AKAP19: variants seen among roughly 807,000 people sequenced by gnomAD.
AKAP19 encodes the protein small A-kinase anchoring protein.
At chr2:190,032,138 AGTT>A in the AKAP19 span, among the ~76,000 whole-genome samples, 1 of 152,028 alleles carries the variant, frequency 6.6e-6, no homozygotes, top group Non-Finnish European at 1.5e-5. Context: ...CACTGTCTAT[AGTT>A]TTCTGTTAAG....
At chr2:190,157,950 G>C in the AKAP19 span, among the ~76,000 whole-genome samples, 1 of 152,214 alleles carries the variant, frequency 6.6e-6, no homozygotes, top group African/African-American at 2.4e-5. Flanking sequence ...CCCGGCGCCA[G>C]GCCCAAAATC....
chr2:190,072,259 G>A, the AKAP19 span, among the ~76,000 whole-genome samples: 1 of 152,106 alleles, frequency 6.6e-6, no homozygotes, highest in Non-Finnish European at 1.5e-5. Context: ...GAGCACTGGA[G>A]GGAGGAAGCT....
the AKAP19 span, among the ~76,000 whole-genome samples, chr2:189,948,826 T>C: frequency 6.6e-6 from 1 of 152,284 alleles, no homozygotes; most frequent in South Asian, 2.1e-4. Flanking sequence ...AAATCATTTT[T>C]TTTTCTTATT....
chr2:189,930,984 G>T, the AKAP19 span: 2 of 831,846 alleles, frequency 2.4e-6, no homozygotes, highest in Non-Finnish European at 4.0e-6. Context: ...TGTCATCCGA[G>T]GTGGGGGATT....
the AKAP19 span, among the ~76,000 whole-genome samples, chr2:189,968,504 CA>C: frequency 6.6e-6 from 1 of 152,170 alleles, no homozygotes; most frequent in Admixed American, 6.5e-5. Flanking sequence ...CCTCCAAGAA[CA>C]CTGGAATTAT....
chr2:190,049,680 T>C, the AKAP19 span, among the ~76,000 whole-genome samples: 1 of 152,222 alleles, frequency 6.6e-6, no homozygotes. Context: ...TTCACTGATA[T>C]TACTAAGCTA....
chr2:190,082,392 G>C, the AKAP19 span, among the ~76,000 whole-genome samples: 18 of 152,180 alleles, frequency 1.2e-4, no homozygotes, highest in African/African-American at 4.3e-4. Context: ...CCACCTGCAG[G>C]CTACAACCCT....
At chr2:190,131,441 G>A in the AKAP19 span, among the ~76,000 whole-genome samples, 1 of 152,220 alleles carries the variant, frequency 6.6e-6, no homozygotes, top group Non-Finnish European at 1.5e-5. Context: ...GGTTCCTGGA[G>A]GTTGAAGTGG....
At chr2:190,063,732 C>A in the AKAP19 span, among the ~76,000 whole-genome samples, 1 of 152,068 alleles carries the variant, frequency 6.6e-6, no homozygotes, top group Non-Finnish European at 1.5e-5. Flanking sequence ...TTGCCAATTT[C>A]TCATTTTGAC....
chr2:190,151,000 T>C, the AKAP19 span, among the ~76,000 whole-genome samples: 1 of 152,196 alleles, frequency 6.6e-6, no homozygotes, highest in Non-Finnish European at 1.5e-5. Flanking sequence ...ATTCATATTC[T>C]TTGCTTACTT....
chr2:190,148,541 C>T, the AKAP19 span, among the ~76,000 whole-genome samples: 3 of 152,090 alleles, frequency 2.0e-5, no homozygotes, highest in African/African-American at 7.2e-5. Context: ...AGGGAGGGTT[C>T]CTTCTTTCTC....
chr2:189,961,751 A>G, the AKAP19 span, among the ~76,000 whole-genome samples: 1 of 152,010 alleles, frequency 6.6e-6, no homozygotes, highest in Non-Finnish European at 1.5e-5. Flanking sequence ...GTCTCTACTC[A>G]AAATACAAAA....
chr2:189,953,917 A>C, the AKAP19 span, among the ~76,000 whole-genome samples: 1 of 152,212 alleles, frequency 6.6e-6, no homozygotes, highest in Admixed American at 6.5e-5. Context: ...TGATTGAATG[A>C]ATGAATGAAG....
the AKAP19 span, among the ~76,000 whole-genome samples, chr2:189,932,441 A>G: frequency 8.6e-5 from 13 of 151,754 alleles, no homozygotes; most frequent in Non-Finnish European, 1.5e-4. Flanking sequence ...TCTATTCATG[A>G]TAAATGCTGA....
the AKAP19 span, among the ~76,000 whole-genome samples, chr2:190,103,235 T>C: frequency 3.9e-5 from 6 of 152,182 alleles, no homozygotes; most frequent in Admixed American, 3.9e-4. Flanking sequence ...GCCGACATCA[T>C]GCTGAATGGG....
At chr2:190,048,620 C>T in the AKAP19 span, among the ~76,000 whole-genome samples, 1 of 152,156 alleles carries the variant, frequency 6.6e-6, no homozygotes. Context: ...AAAAAACCTT[C>T]CTGTAACAAA....
At chr2:190,013,649 G>C in the AKAP19 span, among the ~76,000 whole-genome samples, 1 of 151,974 alleles carries the variant, frequency 6.6e-6, no homozygotes, top group African/African-American at 2.4e-5. Context: ...CCAAGTAGCT[G>C]GGATTACAGG....
the AKAP19 span, among the ~76,000 whole-genome samples, chr2:190,136,049 G>A: frequency 6.6e-6 from 1 of 152,160 alleles, no homozygotes; most frequent in Non-Finnish European, 1.5e-5. Context: ...AGTAGACACC[G>A]ATGTATTTAT....
At chr2:190,034,714 C>T in the AKAP19 span, among the ~76,000 whole-genome samples, 3 of 151,186 alleles carry the variant, frequency 2.0e-5, no homozygotes, top group South Asian at 2.1e-4. Flanking sequence ...GGCATGGTGG[C>T]GCATGCCTGT....
Sources: allele counts gnomAD v4.1 joint callset (sites outside exome capture counted in the v4.1 genomes callset), GRCh38; gene constraint gnomAD v4.1.1; transcripts MANE v1.5; gene names NCBI Gene and HGNC (gene_info 2026-07-23, HGNC 2026-07-21).